The following TAS2R1 variants were observed in gnomAD, a reference collection of about 807,000 sequenced individuals.
TAS2R1 encodes the protein taste receptor type 2 member 1.
For missense variants in TAS2R1, 370 were observed against 353.4 expected (o/e 1.05, Z -0.38); for synonymous variants, 141 against 134.2 (o/e 1.05, Z -0.35).
chr5:9,723,481 C>G, the TAS2R1 span, among the ~76,000 whole-genome samples: 1 of 152,184 alleles, frequency 6.6e-6, no homozygotes, highest in Admixed American at 6.5e-5. Flanking sequence ...CAACTCCTGC[C>G]ACACCTGTTC....
chr5:9,675,975 A>G (rs1463102429), intron 1 of TAS2R1, among the ~76,000 whole-genome samples: 1 of 152,150 alleles, frequency 6.6e-6, no homozygotes, highest in African/African-American at 2.4e-5. Flanking sequence ...ATTGAATATG[A>G]TATTAGCTAT....
chr5:9,784,891 C>T, the TAS2R1 span, among the ~76,000 whole-genome samples: 2 of 152,214 alleles, frequency 1.3e-5, no homozygotes, highest in Non-Finnish European at 2.9e-5. Context: ...CTCAACTTAA[C>T]TAATTACATG....
the TAS2R1 span, among the ~76,000 whole-genome samples, chr5:9,758,804 C>T: frequency 0.79 from 120,288 of 152,124 alleles, 47,881 homozygotes; most frequent in East Asian, 0.91. Flanking sequence ...TGTCCCATAA[C>T]AGTTGTCAAG....
intron 1 of TAS2R1, among the ~76,000 whole-genome samples, chr5:9,677,638 A>G (rs922602519): frequency 3.3e-5 from 5 of 152,206 alleles, no homozygotes; most frequent in Admixed American, 3.3e-4. Flanking sequence ...CTACACACCT[A>G]TTAGAGTGGC....
chr5:9,859,575 C>A, the TAS2R1 span, among the ~76,000 whole-genome samples: 717 of 152,314 alleles, frequency 4.7e-3, 3 homozygotes, highest in African/African-American at 0.016. Flanking sequence ...CTGTTGTAAT[C>A]TAACTGTCTG....
At chr5:9,642,071 A>C (rs998498934) in intron 2 of TAS2R1, 2 of 152,246 alleles carry the variant, frequency 1.3e-5, no homozygotes, top group African/African-American at 4.8e-5. Context: ...TGACAGGCGG[A>C]AAGAGTTGCT....
At chr5:9,640,570 G>A (rs1241025197) in intron 2 of TAS2R1, among the ~76,000 whole-genome samples, 1 of 139,626 alleles carries the variant, frequency 7.2e-6, no homozygotes, top group African/African-American at 2.7e-5. Flanking sequence ...AATAAAATGA[G>A]GTATGCTTGT....
chr5:9,717,374 A>G (rs1313092032), upstream of TAS2R1, among the ~76,000 whole-genome samples: 1 of 152,032 alleles, frequency 6.6e-6, no homozygotes, highest in Non-Finnish European at 1.5e-5. Flanking sequence ...AAACTAGAAT[A>G]AGTGGAGAGA....
intron 1 of TAS2R1, among the ~76,000 whole-genome samples, chr5:9,685,059 G>A (rs144833934): frequency 4.7e-4 from 72 of 152,298 alleles, no homozygotes; most frequent in African/African-American, 1.6e-3. Flanking sequence ...AGTATTTGTT[G>A]ATGGAGGCTG....
chr5:9,737,172 G>T, the TAS2R1 span, among the ~76,000 whole-genome samples: 46 of 152,168 alleles, frequency 3.0e-4, no homozygotes, highest in Admixed American at 7.2e-4. Flanking sequence ...AGCAGCTCTG[G>T]TCTTCATCCT....
chr5:9,844,971 G>C, the TAS2R1 span, among the ~76,000 whole-genome samples: 1 of 152,190 alleles, frequency 6.6e-6, no homozygotes, highest in East Asian at 1.9e-4. Context: ...GACATAAAAG[G>C]CCCTCTGTGA....
At chr5:9,724,670 G>A in the TAS2R1 span, among the ~76,000 whole-genome samples, 1 of 152,148 alleles carries the variant, frequency 6.6e-6, no homozygotes, top group East Asian at 1.9e-4. Context: ...GCCAGGTGGA[G>A]CACAGGAATG....
chr5:9,710,646 A>G (rs1311765277), intron 1 of TAS2R1, among the ~76,000 whole-genome samples: 1 of 152,130 alleles, frequency 6.6e-6, no homozygotes, highest in East Asian at 1.9e-4. Flanking sequence ...GCTAATATCT[A>G]AAATATATAA....
rs189644121 is a variant in TAS2R1 at position 9,694,333 on chromosome 5, A to C, written c.-242+17839T>G. Among the ~76,000 whole-genome samples, 878 of 152,332 alleles carry C rather than the reference A, an allele frequency of 5.8e-3. 8 individuals are homozygous for C. Among genetic ancestry groups the C allele is most frequent in the African/African-American group, 0.02 (850 of 41,570 alleles). Reference sequence around the variant, plus strand: ...AAGGGAAATGATTTTCCGTAGTTACAAATCAAACAAGACATAAACCAAAAA... The same window carrying C: ...AAGGGAAATGATTTTCCGTAGTTACCAATCAAACAAGACATAAACCAAAAA... On this transcript the variant is annotated intron_variant, in intron 1 of 2. Coordinates refer to the TAS2R1 transcript ENST00000506620.
At chr5:9,632,543 T>G (rs537546774), upstream of TAS2R1, among the ~76,000 whole-genome samples, 5 of 152,346 alleles carry the variant, frequency 3.3e-5, no homozygotes, top group Non-Finnish European at 7.4e-5. Context: ...CTTTCAAAAC[T>G]GGAGTCAGTC....
chr5:9,629,637 C>A lies in TAS2R1; in HGVS notation c.396G>T (p.Gly132=), dbSNP rs767243656. ...ISKLVPWMIL[G]SLLYVSMICV... ...AAATCATAGATACATATAGCAGAGA[C>A]CCCAGGATCATCCATGGGACCAGCT... Residue 132 remains glycine (G), a synonymous_variant, in exon 1 of 1, where the codon GGG becomes GGT. Coordinates refer to ENST00000382492, the MANE Select transcript of TAS2R1 (RefSeq NM_019599.3). The A allele has an allele frequency of 1.4e-4, 234 of 1,613,984 alleles. No individual in the cohort carries two copies. The highest frequency in any genetic ancestry group is 1.8e-4 in the Non-Finnish European group (213 of 1,180,040).
At chr5:9,878,831 C>T in the TAS2R1 span, among the ~76,000 whole-genome samples, 4 of 152,222 alleles carry the variant, frequency 2.6e-5, no homozygotes, top group African/African-American at 7.2e-5. Context: ...GAGCTAAAAG[C>T]ACATTTCCCA....
chr5:9,741,767 C>T, the TAS2R1 span, among the ~76,000 whole-genome samples: 2 of 152,058 alleles, frequency 1.3e-5, no homozygotes, highest in African/African-American at 4.8e-5. Flanking sequence ...TCAACTAACC[C>T]CTAAAAGCTC....
At chr5:9,741,815 C>T in the TAS2R1 span, among the ~76,000 whole-genome samples, 68 of 152,198 alleles carry the variant, frequency 4.5e-4, no homozygotes, top group Non-Finnish European at 8.5e-4. Flanking sequence ...TCTTGAAGGT[C>T]GGTTTCTCTA....
Sources: gnomAD v4.1 joint callset for allele counts (sites outside exome capture counted in the v4.1 genomes callset) on GRCh38, gnomAD v4.1.1 for gene constraint, MANE v1.5 for transcripts, NCBI Gene and HGNC (gene_info 2026-07-23, HGNC 2026-07-21) for gene names.